The following FBXO25 variants were observed in gnomAD, a reference collection of about 807,000 sequenced individuals.
FBXO25 encodes the protein F-box only protein 25.
A neutral mutation model predicts 51.9 loss-of-function variants in FBXO25; 45 were observed. The ratio of observed to expected loss-of-function variants is 0.87; its 90% CI spans 0.68 to 1.11. The LOEUF (loss-of-function observed/expected upper bound fraction) is 1.11, where lower values mean the gene tolerates loss of function less well. Ranked by LOEUF, FBXO25 falls within the 50% of genes most tolerant of loss-of-function variation. The pLI, the probability that FBXO25 is intolerant of heterozygous loss-of-function variation, is 0.00. For missense variants in FBXO25, 507 were observed against 428.5 expected, an observed-to-expected ratio of 1.18 and a Z score of -1.62; for synonymous variants, 199 against 151.0, an observed-to-expected ratio of 1.32 and a Z score of -2.33.
At chr8:463,988 C>CAACAG (rs1212640920) in intron 9 of FBXO25, among the ~76,000 whole-genome samples, 1 of 151,918 alleles carries the variant, frequency 6.6e-6, no homozygotes, top group African/African-American at 2.4e-5. Flanking sequence ...TTTTTTGAAA[C>CAACAG]AGCATCTTGC....
Position 471,772 on chromosome 8 carries a change from C to T in FBXO25, c.*2968C>T, listed in dbSNP as rs1254539376. On this transcript the variant is annotated 3_prime_UTR_variant, in exon 10 of 10. Coordinates refer to ENST00000350302, the MANE Select transcript of FBXO25 (RefSeq NM_183420.2). ...AAGCCATGCAGTAGCCTCTCAGGAG[C>T]AGACCGATTTGTAGCTGTCGTGGTT... The T allele has an allele frequency of 3.3e-5, 5 of 152,332 alleles. No individual in the cohort carries two copies. Among genetic ancestry groups the T allele is most frequent in the African/African-American group, 1.2e-4 (5 of 41,574 alleles). 9.4% of individuals were successfully genotyped at this position (152,332 alleles called of 1,614,324 possible).
intron 4 of FBXO25, among the ~76,000 whole-genome samples, chr8:434,704 A>G (rs759537705): frequency 6.6e-6 from 1 of 152,216 alleles, no homozygotes; most frequent in East Asian, 1.9e-4. Context: ...CAACTTTGAC[A>G]TGAAAATCTG....
chr8:415,344 T>A (rs1407815501), intron 2 of FBXO25, among the ~76,000 whole-genome samples: 1 of 152,220 alleles, frequency 6.6e-6, no homozygotes, highest in Non-Finnish European at 1.5e-5. Context: ...AATTAAGCAA[T>A]TCAACATGGT....
chr8:474,808 T>G lies in FBXO25; in HGVS notation c.*6004T>G, dbSNP rs1248210273. ...TTCCGTGGATTGCCTTTCACTCTGTTTTGTTCTTTGATGTACAGAAGTTGT... is the reference window on the plus strand; with the variant it reads ...TTCCGTGGATTGCCTTTCACTCTGTGTTGTTCTTTGATGTACAGAAGTTGT... On this transcript the variant is annotated 3_prime_UTR_variant, in exon 10 of 10. Coordinates refer to ENST00000350302, the MANE Select transcript of FBXO25 (RefSeq NM_183420.2). The G allele has an allele frequency of 2.4e-6, 1 of 416,914 alleles. No homozygotes were observed. The highest frequency in any genetic ancestry group is 3.3e-5 in the Admixed American group (1 of 30,410). The allele number at this position is 416,914 out of a possible 1,614,324, so 25.8% of individuals were successfully genotyped here.
At chr8:411,198 T>G (rs1796465775) in intron 1 of FBXO25, among the ~76,000 whole-genome samples, 1 of 152,248 alleles carries the variant, frequency 6.6e-6, no homozygotes, top group Non-Finnish European at 1.5e-5. Context: ...AAACCACTTT[T>G]GCTTGAGTAA....
intron 5 of FBXO25, among the ~76,000 whole-genome samples, chr8:445,972 T>C (rs1798713983): frequency 6.6e-6 from 1 of 152,118 alleles, no homozygotes; most frequent in Non-Finnish European, 1.5e-5. Flanking sequence ...TCTCTGCTCC[T>C]GAGTTCAGTC....
At chr8:415,388 A>C (rs569651165) in intron 2 of FBXO25, among the ~76,000 whole-genome samples, 1 of 152,354 alleles carries the variant, frequency 6.6e-6, no homozygotes, top group South Asian at 2.1e-4. Flanking sequence ...TCATACTCTG[A>C]AAGCTGCTCT....
At chr8:422,040 G>C (rs1444362632) in intron 2 of FBXO25, among the ~76,000 whole-genome samples, 2 of 152,172 alleles carry the variant, frequency 1.3e-5, no homozygotes, top group Non-Finnish European at 2.9e-5. Context: ...GAAGGAATAA[G>C]GGAAATAGAA....
intron 2 of FBXO25, among the ~76,000 whole-genome samples, chr8:429,230 G>A (rs778477069): frequency 1.3e-5 from 2 of 151,972 alleles, no homozygotes; most frequent in Non-Finnish European, 2.9e-5. Context: ...TAATTTGCCA[G>A]TAGCCTCATA....
chr8:458,110 G>A (rs893814961), intron 7 of FBXO25, among the ~76,000 whole-genome samples: 4 of 152,182 alleles, frequency 2.6e-5, no homozygotes, highest in African/African-American at 9.7e-5. Context: ...CACACCTGTC[G>A]CATGGGGAGG....
chr8:454,904 G>GCAAAAA (rs1799326186), intron 7 of FBXO25, among the ~76,000 whole-genome samples: 1 of 130,966 alleles, frequency 7.6e-6, no homozygotes, highest in African/African-American at 3.0e-5. Flanking sequence ...AAAAGAAAAA[G>GCAAAAA]AAAAAGAAAA....
intron 7 of FBXO25, among the ~76,000 whole-genome samples, chr8:457,084 C>G (rs1236719534): frequency 6.6e-6 from 1 of 152,116 alleles, no homozygotes; most frequent in Non-Finnish European, 1.5e-5. Flanking sequence ...TCCTTGTGGC[C>G]AAGTACATAC....
chr8:459,541 A>AG (rs1563095851), intron 8 of FBXO25, among the ~76,000 whole-genome samples: 1 of 152,220 alleles, frequency 6.6e-6, no homozygotes, highest in Non-Finnish European at 1.5e-5. Context: ...ACTAGGCTGG[A>AG]GTGGATACAA....
chr8:458,103 A>C (rs999645545), intron 7 of FBXO25, among the ~76,000 whole-genome samples: 1 of 152,220 alleles, frequency 6.6e-6, no homozygotes, highest in African/African-American at 2.4e-5. Flanking sequence ...GCTGACGCAC[A>C]CCTGTCGCAT....
At chr8:436,405 T>C (rs1585045922) in intron 5 of FBXO25, among the ~76,000 whole-genome samples, 1 of 152,214 alleles carries the variant, frequency 6.6e-6, no homozygotes, top group East Asian at 1.9e-4. Context: ...TTTTAATTGC[T>C]TTTAGGCATT....
Position 473,969 on chromosome 8 carries a change from A to G in FBXO25, c.*5165A>G, listed in dbSNP as rs983850858. On this transcript the variant is annotated 3_prime_UTR_variant, in exon 10 of 10. Coordinates refer to ENST00000350302, the MANE Select transcript of FBXO25 (RefSeq NM_183420.2). ...ACACGTGAAATTTACCATCTTACCT[A>G]TTTTAAGTGTGCAATTTAGTGGCAT... 6.6e-5 allele frequency: 10 copies of G among 152,202 alleles called. No homozygotes were observed. The highest frequency in any genetic ancestry group is 1.5e-5 in the Non-Finnish European group (1 of 68,052). 9.4% of individuals were successfully genotyped at this position (152,202 alleles called of 1,614,324 possible). A position where few individuals can be genotyped will look rare whatever the true frequency, so the allele number is the denominator to read the frequency against.
intron 6 of FBXO25, chr8:450,949 A>T (rs894031871): frequency 4.6e-6 from 1 of 217,958 alleles, no homozygotes; most frequent in Non-Finnish European, 9.0e-6. Context: ...GGTAATTATC[A>T]TTCTACTTTC....
Position 477,374 on chromosome 8 carries a change from C to A in FBXO25, c.*8570C>A, listed in dbSNP as rs1338311131. ...GGGCTACTGCAGTCTCCTACTCTTA[C>A]TGTAGAACTATCCATTTCTTCCTTT... On this transcript the variant is annotated 3_prime_UTR_variant, in exon 10 of 10. Transcript: ENST00000350302. 2 of 152,228 alleles carry A rather than the reference C, an allele frequency of 1.3e-5. No individual in the cohort carries two copies. Among genetic ancestry groups the A allele is most frequent in the Non-Finnish European group, 2.9e-5 (2 of 68,050 alleles). 9.4% of individuals were successfully genotyped at this position (152,228 alleles called of 1,614,324 possible).
chr8:452,603 C>T (rs1168148247), intron 7 of FBXO25, among the ~76,000 whole-genome samples: 1 of 152,134 alleles, frequency 6.6e-6, no homozygotes, highest in Non-Finnish European at 1.5e-5. Flanking sequence ...TAGGGTGTGT[C>T]CTTGTCCATG....
Sources: gnomAD v4.1 joint callset for allele counts (sites outside exome capture counted in the v4.1 genomes callset) on GRCh38, gnomAD v4.1.1 for gene constraint, MANE v1.5 for transcripts, NCBI Gene and HGNC (gene_info 2026-07-23, HGNC 2026-07-21) for gene names.